SLC71A1: variants seen among roughly 807,000 people sequenced by gnomAD.
SLC71A1 encodes the protein solute carrier family 71 member 1, also known as hippocampus abundant gene transcript 1.
chr1:100,074,722 C>G, the SLC71A1 span, among the ~76,000 whole-genome samples: 1 of 150,210 alleles, frequency 6.7e-6, no homozygotes, highest in Non-Finnish European at 1.5e-5. Flanking sequence ...ACTAAAAATA[C>G]AAAAATTAGC....
the SLC71A1 span, among the ~76,000 whole-genome samples, chr1:100,056,638 C>A: frequency 3.3e-5 from 5 of 152,262 alleles, no homozygotes; most frequent in Middle Eastern, 3.4e-3. Context: ...AATAGTGCTG[C>A]AGTAAATGTA....
the SLC71A1 span, among the ~76,000 whole-genome samples, chr1:100,063,654 G>C: frequency 0.044 from 6,719 of 152,198 alleles, 174 homozygotes; most frequent in African/African-American, 0.06. Context: ...AAATTAGCCA[G>C]GTGTGGTGGT....
chr1:100,078,586 A>T, the SLC71A1 span: 3 of 1,385,108 alleles, frequency 2.2e-6, no homozygotes, highest in Non-Finnish European at 3.1e-6. Context: ...ATTTAAAAGT[A>T]CAGAATGTTC....
chr1:100,080,386 C>A, the SLC71A1 span: 1 of 828,570 alleles, frequency 1.2e-6, no homozygotes, highest in Non-Finnish European at 2.0e-6. Context: ...TTGCTAGTGT[C>A]TGATAAGAAG....
chr1:100,060,054 G>A, the SLC71A1 span: 1 of 1,497,810 alleles, frequency 6.7e-7, no homozygotes. Flanking sequence ...TTCAGCTATT[G>A]TTTTCTTAAT....
At chr1:100,069,598 C>T in the SLC71A1 span, 1 of 1,572,792 alleles carries the variant, frequency 6.4e-7, no homozygotes, top group Non-Finnish European at 8.7e-7. Flanking sequence ...GTTACCTTTT[C>T]TGGAAACCCT....
chr1:100,044,422 C>T, the SLC71A1 span, among the ~76,000 whole-genome samples: 1 of 149,766 alleles, frequency 6.7e-6, no homozygotes, highest in East Asian at 1.9e-4. Flanking sequence ...GATTTGAGTT[C>T]CTTGTAGATT....
chr1:100,067,800 A>T, the SLC71A1 span, among the ~76,000 whole-genome samples: 1 of 152,056 alleles, frequency 6.6e-6, no homozygotes, highest in East Asian at 1.9e-4. Context: ...ACAGAGCAAG[A>T]CCCAGTTCCC....
the SLC71A1 span, chr1:100,080,436 C>T: frequency 2.9e-6 from 4 of 1,393,876 alleles, no homozygotes; most frequent in Non-Finnish European, 4.0e-6. Flanking sequence ...TGTACTGGTT[C>T]TAAGGTAGGG....
chr1:100,071,700 TCTTA>T, the SLC71A1 span, among the ~76,000 whole-genome samples: 1 of 152,346 alleles, frequency 6.6e-6, no homozygotes, highest in East Asian at 1.9e-4. Context: ...AAGTTCTGTT[TCTTA>T]CTTAAATGAC....
the SLC71A1 span, among the ~76,000 whole-genome samples, chr1:100,054,491 G>A: frequency 6.6e-6 from 1 of 151,976 alleles, no homozygotes; most frequent in Non-Finnish European, 1.5e-5. Flanking sequence ...GATTACAGGC[G>A]TGAGCCACTG....
the SLC71A1 span, among the ~76,000 whole-genome samples, chr1:100,051,284 G>C: frequency 1.3e-5 from 2 of 152,002 alleles, no homozygotes; most frequent in Non-Finnish European, 2.9e-5. Context: ...CCAGCTACTT[G>C]GGAGGCTGAG....
At chr1:100,059,596 C>T in the SLC71A1 span, among the ~76,000 whole-genome samples, 2 of 151,474 alleles carry the variant, frequency 1.3e-5, no homozygotes, top group Admixed American at 6.6e-5. Flanking sequence ...CATACACAAA[C>T]AGGTAATTAG....
chr1:100,071,994 GAC>G, the SLC71A1 span, among the ~76,000 whole-genome samples: 3 of 152,236 alleles, frequency 2.0e-5, no homozygotes, highest in Non-Finnish European at 4.4e-5. Context: ...CACCATTGCT[GAC>G]ACAGCATGAC....
chr1:100,059,166 TTTTTTG>T, the SLC71A1 span, among the ~76,000 whole-genome samples: 2 of 131,816 alleles, frequency 1.5e-5, no homozygotes, highest in South Asian at 2.5e-4. Flanking sequence ...TTTTTTTTTT[TTTTTTG>T]AGACAGAGTC....
the SLC71A1 span, among the ~76,000 whole-genome samples, chr1:100,059,144 G>GTGTTTTT: frequency 8.0e-3 from 600 of 75,366 alleles, 12 homozygotes; most frequent in Non-Finnish European, 0.01. Flanking sequence ...TCTTTTTCGT[G>GTGTTTTT]TTTTTTTTTT....
At chr1:100,071,636 G>C in the SLC71A1 span, among the ~76,000 whole-genome samples, 67 of 152,324 alleles carry the variant, frequency 4.4e-4, no homozygotes, top group African/African-American at 1.6e-3. Flanking sequence ...TTTAGATGAA[G>C]AGAGCAGACT....
the SLC71A1 span, among the ~76,000 whole-genome samples, chr1:100,048,217 C>T: frequency 4.6e-5 from 7 of 150,670 alleles, 1 homozygote; most frequent in South Asian, 1.3e-3. Flanking sequence ...GAGTCTCTGT[C>T]GCCCAGGCTG....
chr1:100,043,043 G>T, the SLC71A1 span: 1 of 978,812 alleles, frequency 1.0e-6, no homozygotes, highest in Non-Finnish European at 1.2e-6. Context: ...GTGTGTTTGG[G>T]GATAAATTAA....
Sources: allele counts gnomAD v4.1 joint callset (sites outside exome capture counted in the v4.1 genomes callset), GRCh38; gene constraint gnomAD v4.1.1; transcripts MANE v1.5; gene names NCBI Gene and HGNC (gene_info 2026-07-23, HGNC 2026-07-21).